The following NLGN1 variants were observed in gnomAD, a reference collection of about 807,000 sequenced individuals.
NLGN1 encodes neuroligin-1.
In NLGN1, 12 loss-of-function variants were observed where a neutral mutation model predicts 65.5. The observed-to-expected ratio is 0.18, with a 90% CI of 0.12 to 0.30. NLGN1 has a LOEUF of 0.30. NLGN1 is among the 10% of genes least tolerant of loss of function. The pLI is 1.00. For synonymous variants in NLGN1, 350 were observed against 359.5 expected, an observed-to-expected ratio of 0.97 and a Z score of 0.30; for missense variants, 750 against 1,007.1, an observed-to-expected ratio of 0.74 and a Z score of 3.46.
intron 4 of NLGN1, among the ~76,000 whole-genome samples, chr3:174,246,407 GGATGACCC>G (rs1165137754): frequency 6.6e-6 from 1 of 152,062 alleles, no homozygotes; most frequent in Non-Finnish European, 1.5e-5. Context: ...AAACTTACTA[GGATGACCC>G]TAATTCCATT....
intron 3 of NLGN1, among the ~76,000 whole-genome samples, chr3:173,797,453 A>G (rs1714356036): frequency 6.6e-6 from 1 of 152,136 alleles, no homozygotes; most frequent in Admixed American, 6.6e-5. Flanking sequence ...TTTAGTATCA[A>G]TAAATGAAGT....
chr3:173,676,544 A>G (rs547128220), intron 3 of NLGN1, among the ~76,000 whole-genome samples: 61 of 152,262 alleles, frequency 4.0e-4, no homozygotes, highest in African/African-American at 1.4e-3. Flanking sequence ...AATATGGTAA[A>G]TGAATAAAAT....
At chr3:173,662,830 A>G (rs1349490149) in intron 3 of NLGN1, among the ~76,000 whole-genome samples, 1 of 151,978 alleles carries the variant, frequency 6.6e-6, no homozygotes, top group South Asian at 2.1e-4. Context: ...TCACAAGGTA[A>G]CTCCATAACC....
chr3:173,622,290 A>C (rs1754124384), intron 3 of NLGN1, among the ~76,000 whole-genome samples: 1 of 152,064 alleles, frequency 6.6e-6, no homozygotes, highest in Admixed American at 6.6e-5. Flanking sequence ...GTTTATCTGC[A>C]TGGGAGTGGA....
chr3:174,015,869 A>G (rs9812924), intron 4 of NLGN1, among the ~76,000 whole-genome samples: 41,263 of 152,030 alleles, frequency 0.27, 6,828 homozygotes, highest in African/African-American at 0.46. Context: ...CTCATGCAGA[A>G]TGAGAGTAAA....
chr3:174,076,937 A>G (rs1036890857), intron 4 of NLGN1, among the ~76,000 whole-genome samples: 3 of 152,156 alleles, frequency 2.0e-5, no homozygotes. Context: ...ATCACTAACA[A>G]TGGTACCTAA....
intron 3 of NLGN1, among the ~76,000 whole-genome samples, chr3:173,791,920 C>T (rs749863220): frequency 2.0e-5 from 3 of 152,062 alleles, no homozygotes; most frequent in Non-Finnish European, 2.9e-5. Flanking sequence ...CTAGCTCTAG[C>T]GTCCTATGAA....
intron 4 of NLGN1, among the ~76,000 whole-genome samples, chr3:174,247,330 C>T (rs904193433): frequency 2.6e-5 from 4 of 152,150 alleles, no homozygotes; most frequent in Admixed American, 2.0e-4. Flanking sequence ...TAGTCCCTGA[C>T]CTCAACAGGC....
At chr3:173,488,913 TA>T (rs1728609212) in intron 2 of NLGN1, among the ~76,000 whole-genome samples, 1 of 151,582 alleles carries the variant, frequency 6.6e-6, no homozygotes, top group Non-Finnish European at 1.5e-5. Flanking sequence ...TTTTTTTTTT[TA>T]ATTTCTATCT....
intron 4 of NLGN1, among the ~76,000 whole-genome samples, chr3:174,239,056 C>G (rs983552537): frequency 1.3e-5 from 2 of 151,796 alleles, no homozygotes. Context: ...TTCTTTCTTT[C>G]TTTTTTCTTT....
At chr3:173,685,806 A>C in intron 3 of NLGN1, 1 of 985,208 alleles carries the variant, frequency 1.0e-6, no homozygotes, top group East Asian at 1.1e-4. Context: ...GCACAATGAG[A>C]GGGTTGAATG....
chr3:174,084,666 C>T (rs894358991), intron 4 of NLGN1, among the ~76,000 whole-genome samples: 6 of 152,018 alleles, frequency 3.9e-5, no homozygotes, highest in Non-Finnish European at 7.4e-5. Flanking sequence ...GTGATATCAA[C>T]CACCTAATAA....
At chr3:173,646,792 T>C (rs1477570563) in intron 3 of NLGN1, among the ~76,000 whole-genome samples, 5 of 152,094 alleles carry the variant, frequency 3.3e-5, no homozygotes, top group African/African-American at 1.2e-4. Flanking sequence ...AATAAACAGA[T>C]GGAACATATT....
intron 2 of NLGN1, among the ~76,000 whole-genome samples, chr3:173,488,616 T>G (rs1728553863): frequency 6.6e-6 from 1 of 152,108 alleles, no homozygotes; most frequent in Admixed American, 6.6e-5. Context: ...TGTAGTCTGG[T>G]CTCTATCATT....
In NLGN1 at chr3:173,752,602, T is replaced by C. The variant is rs1179708478; in HGVS notation, c.494-55078T>C. ...AGTCCATCTTTGTTATTTTCTTACC[T>C]ATAGCTGGACTTAATTCCCTTACTC... is the stretch of plus-strand genomic sequence containing the variant. On this transcript the variant is annotated intron_variant, in intron 3 of 6. Coordinates refer to ENST00000457714, the Ensembl canonical transcript of NLGN1. Among the ~76,000 whole-genome samples, 3 of 152,166 alleles carry C rather than the reference T, an allele frequency of 2.0e-5. No individual in the cohort carries two copies. In the East Asian group the frequency reaches 5.8e-4, roughly 29 times the overall value.
chr3:173,852,277 A>AC (rs1727098442), intron 4 of NLGN1, among the ~76,000 whole-genome samples: 1 of 135,696 alleles, frequency 7.4e-6, no homozygotes, highest in South Asian at 2.5e-4. Context: ...AATGGCGTGA[A>AC]CCCGGGAGGC....
chr3:173,675,887 T>TCTCTCTCTCTCTCTCTCA (rs756157881), intron 3 of NLGN1, among the ~76,000 whole-genome samples: 15 of 138,642 alleles, frequency 1.1e-4, no homozygotes, highest in African/African-American at 4.2e-4. Flanking sequence ...TCTCTCTCTC[T>TCTCTCTCTCTCTCTCTCA]CACACACACA....
At chr3:173,920,755 G>T (rs965241609) in intron 4 of NLGN1, 1 of 152,064 alleles carries the variant, frequency 6.6e-6, no homozygotes, top group African/African-American at 2.4e-5. Flanking sequence ...AGTGCTCCAG[G>T]TCTTTCAACC....
chr3:173,449,992 C>T (rs1015634608), intron 2 of NLGN1, among the ~76,000 whole-genome samples: 19 of 152,190 alleles, frequency 1.2e-4, no homozygotes, highest in African/African-American at 4.6e-4. Context: ...ATACAGCACA[C>T]AGATGGGTGT....
Sources: gnomAD v4.1 joint callset for allele counts (sites outside exome capture counted in the v4.1 genomes callset) on GRCh38, gnomAD v4.1.1 for gene constraint, MANE v1.5 for transcripts, NCBI Gene and HGNC (gene_info 2026-07-23, HGNC 2026-07-21) for gene names.